The following GNAS variants were observed in gnomAD, a reference collection of about 807,000 sequenced individuals.
GNAS encodes the protein GNAS complex locus.
GNAS carries 8 observed loss-of-function variants against 54.5 expected under a neutral mutation model. The observed-to-expected ratio is 0.15, with a 90% confidence interval of 0.09 to 0.26. The LOEUF is 0.26. Ranked by LOEUF, GNAS falls within the 10% of genes least tolerant of loss-of-function variation. The pLI is 1.00. For missense variants in GNAS, 170 were observed against 529.8 expected (o/e 0.32, Z 6.67); for synonymous variants, 204 against 191.4 (o/e 1.07, Z -0.54).
Position 58,841,219 on chromosome 20 carries a change from T to G in GNAS, c.43+333T>G. ...TTTGGAGCTGCACACCCAAACGGCA[T>G]TGGTAAGTCACTTGTTTTGCGCGCT... On this transcript the variant is annotated intron_variant, in intron 1 of 12. Transcript: ENST00000306090. This position sits in a 1 kb window ranked among gnomAD's most constrained non-coding sequence, Gnocchi z 5.0. The G allele has an allele frequency of 1.4e-6, 1 of 700,490 alleles. No homozygotes were observed. Among genetic ancestry groups the G allele is most frequent in the Non-Finnish European group, 1.9e-6 (1 of 517,486 alleles). 43.4% of individuals were successfully genotyped at this position (700,490 alleles called of 1,614,324 possible). A position where few individuals can be genotyped will look rare whatever the true frequency, so the allele number is the denominator to read the frequency against.
chr20:58,892,813 C>T (rs1158511096), intron 1 of GNAS, among the ~76,000 whole-genome samples: 2 of 151,710 alleles, frequency 1.3e-5, no homozygotes, highest in Non-Finnish European at 1.5e-5. Flanking sequence ...CCTTTTTTTC[C>T]CCTTCCAGAC....
intron 1 of GNAS, among the ~76,000 whole-genome samples, chr20:58,872,140 G>T (rs1199542727): frequency 6.6e-6 from 1 of 152,192 alleles, no homozygotes; most frequent in Non-Finnish European, 1.5e-5. Flanking sequence ...TCTGAGCTCT[G>T]ACCACTGCCC....
chr20:58,849,128 A>G (rs547226223), intron 1 of GNAS, among the ~76,000 whole-genome samples: 1 of 152,202 alleles, frequency 6.6e-6, no homozygotes, highest in East Asian at 1.9e-4. Context: ...TTTGGTTGTT[A>G]AAACTAAGGG....
chr20:58,855,068 A>C lies in GNAS; in HGVS notation c.43+14182A>C, dbSNP rs1241550595. 8.7e-6 allele frequency: 14 copies of C among 1,613,140 alleles called. No individual in the cohort carries two copies. The Admixed American group carries it at 2.3e-4, about 27-fold the overall frequency. On this transcript the variant is annotated intron_variant, in intron 1 of 12. Coordinates refer to the GNAS transcript ENST00000306090. ...AGCATCGGCGAAATCGCCGCCGCCG[A>C]AAGCCCCAGCGCAACTTACTCCGCA...
At chr20:58,899,474 G>A (rs754854226) in intron 3 of GNAS, 8 of 539,816 alleles carry the variant, frequency 1.5e-5, no homozygotes, top group Non-Finnish European at 2.9e-5. Context: ...GTACCTTGCA[G>A]CAGGTCGTTA....
chr20:58,910,612 G>A lies in GNAS; in HGVS notation c.1039-71G>A, dbSNP rs542090351. ...GCTGGCTGACAGCCGTCCCTGGTAG[G>A]TGTCCCCATCAGGGATAGGGTGGTT... On this transcript the variant is annotated intron_variant, in intron 12 of 12. Transcript: ENST00000371085. This position sits in a 1 kb window ranked among gnomAD's most constrained non-coding sequence, Gnocchi z 5.8. 1.2e-4 allele frequency: 192 copies of A among 1,555,178 alleles called. 3 individuals are homozygous for A. The South Asian group carries it at 2.0e-3, about 17-fold the overall frequency.
chr20:58,860,552 A>AT (rs1012716033), intron 1 of GNAS, among the ~76,000 whole-genome samples: 9 of 151,586 alleles, frequency 5.9e-5, no homozygotes, highest in African/African-American at 1.7e-4. Context: ...CTTTGTAGTG[A>AT]TTTTTTTTTA....
In GNAS at chr20:58,891,565, C is replaced by T; in HGVS notation, c.-162C>T. ...CCTTCCCGCCCGTCCGCGCGCCCCG[C>T]GGCCCGCGGCCCGCAGTCCGCCCCG... On this transcript the variant is annotated 5_prime_UTR_variant, in exon 1 of 13. Coordinates refer to ENST00000371085, the MANE Select transcript of GNAS (RefSeq NM_000516.7). 9 of 968,930 alleles carry T rather than the reference C, an allele frequency of 9.3e-6. No homozygotes were observed. The highest frequency in any genetic ancestry group is 1.1e-5 in the Non-Finnish European group (9 of 819,682). The allele number at this position is 968,930 out of a possible 1,614,324, so 60.0% of individuals were successfully genotyped here.
rs904989310 is a variant in GNAS, at chr20:58,853,963, T to C, written c.43+13077T>C. On this transcript the variant is annotated intron_variant, in intron 1 of 12. Transcript: ENST00000306090. The surrounding 1 kb of genome is among the most constrained non-coding windows in gnomAD (Gnocchi z 4.4). ...CCATTTGAGCTTGATGGAGAAGGAT[T>C]TGGGGACGACAGCCCACCCCCGGGG... is the stretch of plus-strand genomic sequence containing the variant. 1.2e-6 allele frequency: 2 copies of C among 1,612,236 alleles called. No homozygotes were observed. Among genetic ancestry groups the C allele is most frequent in the Non-Finnish European group, 8.5e-7 (1 of 1,179,726 alleles).
At chr20:58,840,382 C>G (rs144845382), upstream of GNAS, 1 of 1,613,500 alleles carries the variant, frequency 6.2e-7, no homozygotes, top group African/African-American at 1.3e-5. This position sits in a 1 kb window ranked among gnomAD's most constrained non-coding sequence, Gnocchi z 6.0. Context: ...AGGAGGCAGA[C>G]CTTGAGCTGT....
chr20:58,843,825 T>C (rs968484149), intron 1 of GNAS, among the ~76,000 whole-genome samples: 1 of 152,258 alleles, frequency 6.6e-6, no homozygotes, highest in Admixed American at 6.5e-5. Flanking sequence ...TGGGAATTTA[T>C]GTTGCAATGT....
At chr20:58,895,443 A>G in intron 1 of GNAS, 169 bp from the exon 2 acceptor site, 1 of 662,880 alleles carries the variant, frequency 1.5e-6, no homozygotes, top group South Asian at 1.7e-5. Context: ...TTGGACATTG[A>G]TTTCCTTTTC....
intron 1 of GNAS, chr20:58,864,170 T>C (rs2086914028): frequency 6.6e-6 from 1 of 152,176 alleles, no homozygotes; most frequent in Non-Finnish European, 1.5e-5. Context: ...ATTTAGGAAG[T>C]ATATAGGTAC....
chr20:58,905,189 C>T (rs1447075684), intron 5 of GNAS, among the ~76,000 whole-genome samples, 194 bp from the exon 6 acceptor site: 2 of 152,278 alleles, frequency 1.3e-5, no homozygotes, highest in East Asian at 1.9e-4. Flanking sequence ...CAGCTAATTG[C>T]GTGAACTTTT....
At chr20:58,886,323 G>A (rs915417195) in intron 1 of GNAS, among the ~76,000 whole-genome samples, 4 of 152,194 alleles carry the variant, frequency 2.6e-5, no homozygotes, top group Non-Finnish European at 5.9e-5. Context: ...GTGACCTAGT[G>A]TTTTAGGTTA....
chr20:58,880,644 G>T (rs539149450), intron 1 of GNAS, among the ~76,000 whole-genome samples: 10 of 152,282 alleles, frequency 6.6e-5, no homozygotes, highest in Non-Finnish European at 1.2e-4. Flanking sequence ...CAATTACAAT[G>T]ATGTTCTTGT....
chr20:58,845,471 G>A (rs960139807), intron 1 of GNAS, among the ~76,000 whole-genome samples: 11 of 152,004 alleles, frequency 7.2e-5, no homozygotes, highest in Admixed American at 2.6e-4. Flanking sequence ...ACTTGTTTGC[G>A]CACCGCATCC....
intron 1 of GNAS, among the ~76,000 whole-genome samples, chr20:58,860,735 C>T (rs1170931283): frequency 1.3e-5 from 2 of 152,138 alleles, no homozygotes; most frequent in Non-Finnish European, 2.9e-5. Context: ...TATCTCGGCT[C>T]ACTGCAACTT....
intron 2 of GNAS, chr20:58,897,991 C>G (rs1044477986): frequency 6.6e-6 from 1 of 152,232 alleles, no homozygotes; most frequent in African/African-American, 2.4e-5. Flanking sequence ...CCTTAACTCT[C>G]TGCGGGCTGC....
Sources: allele counts gnomAD v4.1 joint callset (sites outside exome capture counted in the v4.1 genomes callset), GRCh38; gene constraint gnomAD v4.1.1; non-coding constraint Gnocchi (gnomAD v3.1); transcripts MANE v1.5; gene names NCBI Gene and HGNC (gene_info 2026-07-23, HGNC 2026-07-21).